The following AKAP19 variants were observed in gnomAD, a reference collection of about 807,000 sequenced individuals.
AKAP19 encodes the protein A-kinase anchoring protein 19, also known as small A-kinase anchoring protein.
At chr2:190,110,114 G>A in the AKAP19 span, among the ~76,000 whole-genome samples, 2 of 152,164 alleles carry the variant, frequency 1.3e-5, no homozygotes, top group East Asian at 3.8e-4. Context: ...TCCTGGTGTA[G>A]ATGAGACCTA....
chr2:189,974,634 T>C, the AKAP19 span, among the ~76,000 whole-genome samples: 1 of 152,200 alleles, frequency 6.6e-6, no homozygotes, highest in African/African-American at 2.4e-5. Flanking sequence ...GGTCTCTAGG[T>C]CTCTAAGGAC....
At chr2:189,880,481 G>A in the AKAP19 span, among the ~76,000 whole-genome samples, 148 of 152,306 alleles carry the variant, frequency 9.7e-4, no homozygotes, top group African/African-American at 3.4e-3. Context: ...GTGAAAGGCA[G>A]GCTGGAAGGG....
At chr2:189,964,570 A>G in the AKAP19 span, among the ~76,000 whole-genome samples, 1 of 152,200 alleles carries the variant, frequency 6.6e-6, no homozygotes, top group Admixed American at 6.5e-5. Context: ...TCTGTTGTTT[A>G]GTGTAGCCAC....
chr2:189,904,464 T>C, the AKAP19 span, among the ~76,000 whole-genome samples: 13 of 152,066 alleles, frequency 8.5e-5, no homozygotes, highest in African/African-American at 1.2e-4. Context: ...GTTTCTTGTT[T>C]ATCTCTAAAT....
the AKAP19 span, among the ~76,000 whole-genome samples, chr2:189,995,408 G>C: frequency 6.6e-6 from 1 of 152,120 alleles, no homozygotes; most frequent in Non-Finnish European, 1.5e-5. Context: ...TTTAAAGTCT[G>C]TTTTGTCTGA....
the AKAP19 span, among the ~76,000 whole-genome samples, chr2:190,102,762 G>A: frequency 1.2e-4 from 19 of 152,206 alleles, no homozygotes; most frequent in South Asian, 4.2e-4. Flanking sequence ...ACTGCTAGAC[G>A]TACAAAGAAG....
the AKAP19 span, among the ~76,000 whole-genome samples, chr2:190,142,193 C>G: frequency 1.3e-5 from 2 of 152,132 alleles, no homozygotes; most frequent in Non-Finnish European, 1.5e-5. Flanking sequence ...CAAGTTGTTT[C>G]TCTTATCTGC....
the AKAP19 span, among the ~76,000 whole-genome samples, chr2:189,904,470 T>C: frequency 6.6e-6 from 1 of 152,076 alleles, no homozygotes. Flanking sequence ...TGTTTATCTC[T>C]AAATATATTT....
the AKAP19 span, among the ~76,000 whole-genome samples, chr2:190,146,300 T>C: frequency 6.6e-6 from 1 of 152,242 alleles, no homozygotes. Flanking sequence ...TCCAGGTCAC[T>C]GCAAATGCTG....
chr2:189,986,360 TGGG>T, the AKAP19 span, among the ~76,000 whole-genome samples: 1 of 67,050 alleles, frequency 1.5e-5, no homozygotes. Flanking sequence ...CTGTAAGGGA[TGGG>T]GGAGCAAAAA....
chr2:189,953,444 G>A, the AKAP19 span, among the ~76,000 whole-genome samples: 6 of 151,886 alleles, frequency 4.0e-5, no homozygotes, highest in African/African-American at 1.5e-4. Context: ...AGACCAGCCT[G>A]GCCAACATGG....
At chr2:189,953,010 G>A in the AKAP19 span, among the ~76,000 whole-genome samples, 1 of 152,144 alleles carries the variant, frequency 6.6e-6, no homozygotes, top group Non-Finnish European at 1.5e-5. Context: ...AAAAATAGGA[G>A]GTCAGGTGGC....
the AKAP19 span, among the ~76,000 whole-genome samples, chr2:190,197,732 C>T: frequency 2.6e-5 from 4 of 152,156 alleles, no homozygotes; most frequent in Non-Finnish European, 4.4e-5. This position sits in a 1 kb window ranked among gnomAD's most constrained non-coding sequence, Gnocchi z 4.0. Flanking sequence ...AAAATAATGG[C>T]AACATATATT....
the AKAP19 span, among the ~76,000 whole-genome samples, chr2:189,932,712 A>G: frequency 6.6e-6 from 1 of 151,784 alleles, no homozygotes; most frequent in Admixed American, 6.6e-5. Context: ...TCTTTCAAAA[A>G]AAAAAAAAAA....
At chr2:189,984,845 G>T in the AKAP19 span, among the ~76,000 whole-genome samples, 2 of 151,710 alleles carry the variant, frequency 1.3e-5, no homozygotes, top group African/African-American at 2.4e-5. Flanking sequence ...CAACATTTTG[G>T]GGGATCTAGT....
At chr2:190,042,034 A>C in the AKAP19 span, among the ~76,000 whole-genome samples, 1 of 152,054 alleles carries the variant, frequency 6.6e-6, no homozygotes, top group Non-Finnish European at 1.5e-5. Context: ...GGCCTCATAG[A>C]ATGAGTTGAG....
chr2:189,925,638 T>C, the AKAP19 span, among the ~76,000 whole-genome samples: 5 of 152,244 alleles, frequency 3.3e-5, no homozygotes, highest in East Asian at 9.7e-4. Context: ...ATCTTTGGGT[T>C]CACTTTCATA....
chr2:189,976,512 A>AG, the AKAP19 span, among the ~76,000 whole-genome samples: 1 of 152,214 alleles, frequency 6.6e-6, no homozygotes, highest in Non-Finnish European at 1.5e-5. Flanking sequence ...GCTGTCAGAC[A>AG]GGGACATTTA....
chr2:190,091,010 G>C, the AKAP19 span: 4 of 152,098 alleles, frequency 2.6e-5, no homozygotes, highest in Admixed American at 1.3e-4. Context: ...GAATAACTTT[G>C]TTTCAAAGGT....
Sources: gnomAD v4.1 joint callset for allele counts (sites outside exome capture counted in the v4.1 genomes callset) on GRCh38, gnomAD v4.1.1 for gene constraint, Gnocchi (gnomAD v3.1) non-coding constraint, MANE v1.5 for transcripts, NCBI Gene and HGNC (gene_info 2026-07-23, HGNC 2026-07-21) for gene names.